Variants in CACNG2 observed in about 807,000 individuals in gnomAD.
The protein encoded by CACNG2 is calcium voltage-gated channel auxiliary subunit gamma 2.
CACNG2 carries 3 observed loss-of-function variants against 25.9 expected under a neutral mutation model. The observed-to-expected ratio is 0.12, with a 90% CI of 0.05 to 0.30. The LOEUF is 0.30. Among genes scored for constraint, CACNG2 ranks in the 10% least tolerant of loss-of-function variants. The probability of loss-of-function intolerance (pLI) is 1.00; values close to 1 mark genes in which losing one functional copy is unlikely to be tolerated. For synonymous variants in CACNG2, 167 were observed against 173.3 expected (o/e 0.96, Z 0.29); for missense variants, 341 against 432.5 (o/e 0.79, Z 1.88).
intron 2 of CACNG2, among the ~76,000 whole-genome samples, chr22:36,581,175 G>A (rs1935411740): frequency 6.6e-6 from 1 of 152,198 alleles, no homozygotes; most frequent in Admixed American, 6.5e-5. Context: ...AAACAGTCCA[G>A]TCACATTCAT....
intron 1 of CACNG2, among the ~76,000 whole-genome samples, chr22:36,644,666 A>C (rs141112832): frequency 1.1e-3 from 169 of 152,350 alleles, no homozygotes; most frequent in African/African-American, 4.0e-3. Context: ...TCTATGCCTC[A>C]GTTTTCTCAC....
intron 1 of CACNG2, among the ~76,000 whole-genome samples, chr22:36,645,849 T>C (rs1936515668): frequency 6.6e-6 from 1 of 152,200 alleles, no homozygotes; most frequent in Non-Finnish European, 1.5e-5. Flanking sequence ...AGAAACATTA[T>C]AAGAAGCAGC....
At chr22:36,701,974 G>A (rs568632733) in intron 1 of CACNG2, among the ~76,000 whole-genome samples, 14 of 152,172 alleles carry the variant, frequency 9.2e-5, no homozygotes, top group African/African-American at 2.6e-4. Context: ...TCTTCATTGC[G>A]AAAAGAGAAA....
intron 2 of CACNG2, among the ~76,000 whole-genome samples, chr22:36,572,826 T>C (rs1935254490): frequency 6.6e-6 from 1 of 152,106 alleles, no homozygotes; most frequent in Non-Finnish European, 1.5e-5. Context: ...GGCCACGTGG[T>C]CCAGAGCAGG....
chr22:36,584,036 G>C (rs899003164), intron 2 of CACNG2, among the ~76,000 whole-genome samples: 1 of 152,070 alleles, frequency 6.6e-6, no homozygotes, highest in Admixed American at 6.5e-5. Context: ...TTCTTACCTG[G>C]TTCCCTTTCT....
At chr22:36,676,393 C>T (rs1229812141) in intron 1 of CACNG2, among the ~76,000 whole-genome samples, 1 of 152,138 alleles carries the variant, frequency 6.6e-6, no homozygotes, top group Non-Finnish European at 1.5e-5. Context: ...AAATGACTAC[C>T]ATCGATGGCG....
chr22:36,622,034 C>T (rs1326978571), intron 1 of CACNG2, among the ~76,000 whole-genome samples: 1 of 152,202 alleles, frequency 6.6e-6, no homozygotes, highest in Admixed American at 6.5e-5. Context: ...TCTATGATCT[C>T]ATTTAACTTT....
At chr22:36,695,583 C>T (rs750009891) in intron 1 of CACNG2, among the ~76,000 whole-genome samples, 9 of 151,052 alleles carry the variant, frequency 6.0e-5, no homozygotes, top group Admixed American at 3.3e-4. Context: ...TGCTGCCCTC[C>T]GATCTGGAAT....
chr22:36,628,502 T>C (rs1936218927), intron 1 of CACNG2, among the ~76,000 whole-genome samples: 1 of 152,252 alleles, frequency 6.6e-6, no homozygotes, highest in Non-Finnish European at 1.5e-5. Flanking sequence ...TCCCCTCTTA[T>C]TTATATTTAG....
In CACNG2 at chr22:36,564,798, T is replaced by C. The variant is rs535062605; in HGVS notation, c.525A>G (p.Ser175=). Residue 175 remains serine, a synonymous_variant, in exon 4 of 4, where the codon TCA becomes TCG. Transcript: ENST00000300105. The surrounding 1 kb of genome is among the most constrained non-coding windows in gnomAD (Gnocchi z 6.7). ...CCCCGAAGTAGAAGGACCAGCCGTA[T>C]GAGTAACTATTCTTTTTGGAGTCGC... ...SKSDSKKNSY[S]YGWSFYFGAL... is the part of the protein sequence containing the mutation. The C allele has an allele frequency of 6.2e-7, 1 of 1,614,232 alleles. No individual in the cohort carries two copies. The highest frequency in any genetic ancestry group is 1.7e-5 in the Admixed American group (1 of 60,032).
At chr22:36,651,103 G>A (rs184506334) in intron 1 of CACNG2, among the ~76,000 whole-genome samples, 17 of 152,178 alleles carry the variant, frequency 1.1e-4, no homozygotes, top group Admixed American at 7.2e-4. Flanking sequence ...TAGCATGTGA[G>A]GCTGAATTCT....
At chr22:36,633,800 T>G (rs1448648675) in intron 1 of CACNG2, among the ~76,000 whole-genome samples, 3 of 152,238 alleles carry the variant, frequency 2.0e-5, no homozygotes, top group Non-Finnish European at 4.4e-5. Flanking sequence ...GTTGATTGAC[T>G]TGTTAAAGCA....
chr22:36,635,919 C>T (rs978870861), intron 1 of CACNG2, among the ~76,000 whole-genome samples: 1 of 152,198 alleles, frequency 6.6e-6, no homozygotes, highest in South Asian at 2.1e-4. Flanking sequence ...ATTTTGAAAT[C>T]CATCCTCTTC....
intron 1 of CACNG2, among the ~76,000 whole-genome samples, chr22:36,690,272 A>C (rs377697241): frequency 6.6e-5 from 10 of 152,300 alleles, no homozygotes; most frequent in Admixed American, 2.0e-4. Context: ...AGTGCGAGGC[A>C]CCTGCCGCAC....
At chr22:36,603,696 A>G (rs1359123431) in intron 1 of CACNG2, among the ~76,000 whole-genome samples, 1 of 152,240 alleles carries the variant, frequency 6.6e-6, no homozygotes, top group African/African-American at 2.4e-5. Context: ...TATAAATGAG[A>G]CAAAAAAGCC....
chr22:36,694,642 A>G (rs940045989), intron 1 of CACNG2, among the ~76,000 whole-genome samples: 1 of 152,126 alleles, frequency 6.6e-6, no homozygotes, highest in Non-Finnish European at 1.5e-5. Flanking sequence ...GCTGTCTCAA[A>G]TGTTTAGGAT....
chr22:36,663,246 C>T (rs981209399), intron 1 of CACNG2, among the ~76,000 whole-genome samples: 2 of 152,100 alleles, frequency 1.3e-5, no homozygotes, highest in Non-Finnish European at 2.9e-5. Context: ...AGCTGTTTTT[C>T]CCCTTTGAGC....
intron 1 of CACNG2, among the ~76,000 whole-genome samples, chr22:36,681,162 T>C (rs966372581): frequency 2.0e-5 from 3 of 152,214 alleles, no homozygotes; most frequent in Non-Finnish European, 4.4e-5. Flanking sequence ...GCTTGTTGGT[T>C]GTATTTCCAT....
intron 1 of CACNG2, among the ~76,000 whole-genome samples, chr22:36,622,922 G>A (rs1936126911): frequency 6.7e-6 from 1 of 149,048 alleles, no homozygotes; most frequent in South Asian, 2.1e-4. Context: ...TTGCGCCATT[G>A]CACTCCAGCC....
Sources: allele counts gnomAD v4.1 joint callset (sites outside exome capture counted in the v4.1 genomes callset), GRCh38; gene constraint gnomAD v4.1.1; non-coding constraint Gnocchi (gnomAD v3.1); transcripts MANE v1.5; gene names NCBI Gene and HGNC (gene_info 2026-07-23, HGNC 2026-07-21).